Variants in PRKCH observed in about 807,000 individuals in gnomAD.
PRKCH encodes the protein protein kinase C eta type.
PRKCH carries 28 observed loss-of-function variants against 82.5 expected under a neutral mutation model. The observed-to-expected ratio is 0.34, with a 90% CI of 0.25 to 0.47. The LOEUF (loss-of-function observed/expected upper bound fraction) is 0.47, where lower values mean the gene tolerates loss of function less well. Among genes scored for constraint, PRKCH ranks in the 20% least tolerant of loss-of-function variants. The pLI is 1.00. For synonymous variants in PRKCH, 322 were observed against 327.4 expected (o/e 0.98, Z 0.18); for missense variants, 705 against 881.8 (o/e 0.80, Z 2.54).
At chr14:61,546,644 A>G (rs2043261620) in intron 12 of PRKCH, among the ~76,000 whole-genome samples, 2 of 152,242 alleles carry the variant, frequency 1.3e-5, no homozygotes, top group South Asian at 4.1e-4. Context: ...TTTTCTCTGT[A>G]AATTCAGCTC....
chr14:61,460,285 C>T (rs924296994), intron 9 of PRKCH, among the ~76,000 whole-genome samples: 4 of 152,144 alleles, frequency 2.6e-5, no homozygotes, highest in African/African-American at 4.8e-5. Flanking sequence ...ACTTTTCCTC[C>T]TCTGTTGCTA....
intron 2 of PRKCH, among the ~76,000 whole-genome samples, chr14:61,422,846 T>G (rs1882918473): frequency 6.6e-6 from 1 of 152,230 alleles, no homozygotes; most frequent in Non-Finnish European, 1.5e-5. Context: ...ATTGAGGGCC[T>G]GGTTTATACA....
At chr14:61,447,052 G>T (rs191918584) in intron 4 of PRKCH, among the ~76,000 whole-genome samples, 1 of 152,210 alleles carries the variant, frequency 6.6e-6, no homozygotes, top group Admixed American at 6.5e-5. Context: ...AAAACCAAAT[G>T]CCTGGTTGGA....
At chr14:61,231,511 C>T (rs966814059) in intron 1 of PRKCH, among the ~76,000 whole-genome samples, 1 of 151,844 alleles carries the variant, frequency 6.6e-6, no homozygotes, top group Non-Finnish European at 1.5e-5. Context: ...TATAGGCACC[C>T]GCCACCACGC....
At chr14:61,281,041 A>G (rs1263212674) in intron 1 of PRKCH, 1 of 1,529,172 alleles carries the variant, frequency 6.5e-7, no homozygotes, top group South Asian at 1.2e-5. Flanking sequence ...GAAGAGCGGC[A>G]GCGCGATGCT....
intron 1 of PRKCH, among the ~76,000 whole-genome samples, chr14:61,361,407 G>C (rs1222876831): frequency 6.6e-6 from 1 of 152,196 alleles, no homozygotes; most frequent in African/African-American, 2.4e-5. Context: ...AGGCAGAGCA[G>C]CTTTCTAACC....
chr14:61,477,977 C>T (rs964313059), intron 9 of PRKCH, among the ~76,000 whole-genome samples: 4 of 152,188 alleles, frequency 2.6e-5, no homozygotes, highest in Non-Finnish European at 5.9e-5. Context: ...AAGGAGGCCT[C>T]GAGACCCAGT....
chr14:61,271,689 T>A (rs538493964), intron 1 of PRKCH, among the ~76,000 whole-genome samples: 11 of 152,312 alleles, frequency 7.2e-5, no homozygotes, highest in African/African-American at 2.6e-4. Context: ...CATAGGATTG[T>A]TGTGAGGAGT....
intron 1 of PRKCH, among the ~76,000 whole-genome samples, chr14:61,325,593 A>T (rs1594913761): frequency 6.6e-6 from 1 of 152,202 alleles, no homozygotes; most frequent in East Asian, 1.9e-4. Context: ...GGCACCAACT[A>T]TAAAAAAATC....
At chr14:61,357,999 C>G (rs1373226148) in intron 1 of PRKCH, among the ~76,000 whole-genome samples, 1 of 152,082 alleles carries the variant, frequency 6.6e-6, no homozygotes, top group Admixed American at 6.6e-5. Flanking sequence ...TTAAATTTTC[C>G]AGGAGCTGAA....
At chr14:61,436,026 T>C (rs973610046) in intron 2 of PRKCH, among the ~76,000 whole-genome samples, 1 of 152,114 alleles carries the variant, frequency 6.6e-6, no homozygotes, top group African/African-American at 2.4e-5. Context: ...GGAAAGATGA[T>C]GATGAGTGGA....
intron 1 of PRKCH, among the ~76,000 whole-genome samples, chr14:61,373,466 C>A (rs927212784): frequency 6.6e-6 from 1 of 151,980 alleles, no homozygotes; most frequent in African/African-American, 2.4e-5. Context: ...GCAGCCCCTC[C>A]CCTGACAGGT....
At chr14:61,526,657 C>T (rs1007618185) in intron 10 of PRKCH, among the ~76,000 whole-genome samples, 1 of 152,234 alleles carries the variant, frequency 6.6e-6, no homozygotes, top group African/African-American at 2.4e-5. Flanking sequence ...TTGGGCCATG[C>T]AGGCCAACAG....
At chr14:61,409,703 CAAAAAAAA>C (rs56238869) in intron 2 of PRKCH, among the ~76,000 whole-genome samples, 3 of 56,114 alleles carry the variant, frequency 5.3e-5, no homozygotes, top group Non-Finnish European at 9.6e-5. Context: ...GACCCTGTCT[CAAAAAAAA>C]AAAAAAAAAA....
intron 1 of PRKCH, among the ~76,000 whole-genome samples, chr14:61,233,444 A>G (rs1016482247): frequency 6.6e-6 from 1 of 152,158 alleles, no homozygotes; most frequent in South Asian, 2.1e-4. Flanking sequence ...CTCAGCAAAC[A>G]TACAGTTTTA....
chr14:61,301,653 T>A (rs900589026), intron 1 of PRKCH, among the ~76,000 whole-genome samples: 1 of 152,132 alleles, frequency 6.6e-6, no homozygotes, highest in Non-Finnish European at 1.5e-5. Context: ...ACCAGCCTGG[T>A]CAACATGGTG....
intron 1 of PRKCH, among the ~76,000 whole-genome samples, chr14:61,244,584 G>A (rs761241941): frequency 2.6e-5 from 4 of 152,162 alleles, no homozygotes; most frequent in Non-Finnish European, 5.9e-5. Context: ...AACTGGGCAT[G>A]TCCTGACCTC....
At chr14:61,403,208 T>C (rs1881745452) in intron 2 of PRKCH, among the ~76,000 whole-genome samples, 1 of 152,246 alleles carries the variant, frequency 6.6e-6, no homozygotes, top group Admixed American at 6.5e-5. Context: ...TTTTTAAATG[T>C]CTCCATTTAA....
At chr14:61,276,368 G>C (rs930845596) in intron 1 of PRKCH, among the ~76,000 whole-genome samples, 13 of 144,954 alleles carry the variant, frequency 9.0e-5, no homozygotes, top group African/African-American at 2.6e-4. Context: ...TTTTCTTTTT[G>C]TTTTTAAGAC....
Sources: allele counts gnomAD v4.1 joint callset (sites outside exome capture counted in the v4.1 genomes callset), GRCh38; gene constraint gnomAD v4.1.1; transcripts MANE v1.5; gene names NCBI Gene and HGNC (gene_info 2026-07-23, HGNC 2026-07-21).